The following NKAIN3 variants were observed in gnomAD, a reference collection of about 807,000 sequenced individuals.
NKAIN3 encodes the protein sodium/potassium-transporting ATPase subunit beta-1-interacting protein 3.
A neutral mutation model predicts 30.2 loss-of-function variants in NKAIN3; 25 were observed. The observed-to-expected ratio is 0.83, with a 90% CI of 0.60 to 1.16. The LOEUF (loss-of-function observed/expected upper bound fraction) is 1.16, where lower values mean the gene tolerates loss of function less well. Among genes scored for constraint, NKAIN3 ranks in the 50% most tolerant of loss-of-function variants. NKAIN3 has a pLI of 0.00. For missense variants in NKAIN3, 225 were observed against 254.1 expected, an observed-to-expected ratio of 0.89 and a Z score of 0.78; for synonymous variants, 91 against 89.6, an observed-to-expected ratio of 1.02 and a Z score of -0.09.
chr8:62,659,580 T>C (rs1812875905), intron 3 of NKAIN3, among the ~76,000 whole-genome samples: 1 of 152,208 alleles, frequency 6.6e-6, no homozygotes, highest in South Asian at 2.1e-4. Context: ...CATGGTCTGT[T>C]GCACTGGATG....
At chr8:62,819,149 A>ATG in intron 4 of NKAIN3, among the ~76,000 whole-genome samples, 1 of 100,360 alleles carries the variant, frequency 1.0e-5, no homozygotes, top group African/African-American at 3.4e-5. Context: ...ATATATATAT[A>ATG]TACATATATA....
intron 4 of NKAIN3, among the ~76,000 whole-genome samples, chr8:62,848,056 G>A (rs975958046): frequency 4.6e-5 from 7 of 152,132 alleles, no homozygotes; most frequent in Admixed American, 3.9e-4. Context: ...TCTTGTACTA[G>A]TACAATGCCA....
At chr8:62,326,259 CA>C (rs1179297883) in intron 1 of NKAIN3, among the ~76,000 whole-genome samples, 1 of 151,724 alleles carries the variant, frequency 6.6e-6, no homozygotes, top group African/African-American at 2.4e-5. Context: ...GGTCAGTCCT[CA>C]AAAAATGGTG....
chr8:62,295,394 T>G (rs1035731860), intron 1 of NKAIN3, among the ~76,000 whole-genome samples: 1 of 152,134 alleles, frequency 6.6e-6, no homozygotes, highest in African/African-American at 2.4e-5. Context: ...CCTAATGATA[T>G]CAGACTCAGC....
chr8:62,386,807 C>G (rs991454080), intron 1 of NKAIN3, among the ~76,000 whole-genome samples: 5 of 152,036 alleles, frequency 3.3e-5, no homozygotes, highest in Admixed American at 1.3e-4. Flanking sequence ...TTCTAAGTCT[C>G]AGTTCTCTGA....
intron 1 of NKAIN3, among the ~76,000 whole-genome samples, chr8:62,488,874 C>G (rs1268741847): frequency 6.6e-6 from 1 of 152,118 alleles, no homozygotes; most frequent in Admixed American, 6.6e-5. Flanking sequence ...TCAACTTTTG[C>G]TCTGCCACTT....
intron 3 of NKAIN3, among the ~76,000 whole-genome samples, chr8:62,599,653 A>G (rs1051235422): frequency 3.9e-5 from 6 of 152,086 alleles, no homozygotes; most frequent in African/African-American, 1.4e-4. Flanking sequence ...GAATTGTAGG[A>G]CTGAGTGACT....
rs1445690439 is a variant in NKAIN3, at chr8:62,975,990, G to T, written c.*10583G>T. On this transcript the variant is annotated 3_prime_UTR_variant, in exon 7 of 7. Coordinates refer to ENST00000623646, the MANE Select transcript of NKAIN3 (RefSeq NM_001304533.3). The stretch of plus-strand genomic sequence containing the variant: ...TGTTCAGTTTCCATGTAGTTGTGTG[G>T]TTTTGAGTGAGTTTCTTAATCCTGA... 1.3e-5 allele frequency among the ~76,000 whole-genome samples: 2 copies of T among 152,162 alleles called. No homozygotes were observed. The highest frequency in any genetic ancestry group is 4.8e-5 in the African/African-American group (2 of 41,440).
chr8:62,606,967 G>C (rs1288191219), intron 3 of NKAIN3, among the ~76,000 whole-genome samples: 2 of 152,054 alleles, frequency 1.3e-5, no homozygotes, highest in Non-Finnish European at 2.9e-5. Context: ...ATTAATTTTG[G>C]TTCAGTATAA....
At chr8:62,325,947 C>T (rs1815106246) in intron 1 of NKAIN3, among the ~76,000 whole-genome samples, 1 of 151,950 alleles carries the variant, frequency 6.6e-6, no homozygotes, top group East Asian at 1.9e-4. Context: ...CTTTCCCACT[C>T]TGTGGGTAGT....
chr8:62,530,914 G>A (rs1048693551), intron 1 of NKAIN3, among the ~76,000 whole-genome samples: 1 of 152,184 alleles, frequency 6.6e-6, no homozygotes, highest in African/African-American at 2.4e-5. Context: ...CAACGTGCTG[G>A]AATTATGGGC....
At chr8:62,461,306 TCAAA>T (rs752586139) in intron 1 of NKAIN3, among the ~76,000 whole-genome samples, 4 of 152,206 alleles carry the variant, frequency 2.6e-5, no homozygotes, top group Non-Finnish European at 5.9e-5. Context: ...AGAATAGTCA[TCAAA>T]CAAACACAAC....
At chr8:62,719,783 G>A in intron 3 of NKAIN3, among the ~76,000 whole-genome samples, 1 of 122,238 alleles carries the variant, frequency 8.2e-6, no homozygotes, top group African/African-American at 3.2e-5. Flanking sequence ...TTGAGACGGA[G>A]TCTTGCTCTG....
chr8:62,343,767 C>T (rs151054596), intron 1 of NKAIN3, among the ~76,000 whole-genome samples: 235 of 151,868 alleles, frequency 1.5e-3, no homozygotes, highest in African/African-American at 5.3e-3. Flanking sequence ...GCTCTGATTG[C>T]GCCACTGCAC....
At position 62,834,696 on chromosome 8, in the gene NKAIN3, T is replaced by C. The variant is rs372475809; in HGVS notation, c.472-83757T>C. Among the ~76,000 whole-genome samples, 4 of 152,046 alleles carry C rather than the reference T, an allele frequency of 2.6e-5. No homozygotes were observed. The South Asian group carries it at 8.3e-4, about 32-fold the overall frequency. On this transcript the variant is annotated intron_variant, in intron 4 of 6. Transcript: ENST00000623646. The stretch of plus-strand genomic sequence containing the variant: ...AGAAAACATAAGTGACACAAACAAA[T>C]GGAAAAACATTCCATGCTCATGGAT...
intron 4 of NKAIN3, among the ~76,000 whole-genome samples, chr8:62,807,451 C>CT (rs1433376316): frequency 6.6e-6 from 1 of 151,612 alleles, no homozygotes; most frequent in African/African-American, 2.4e-5. Context: ...TTGTTTCCTA[C>CT]TTTTTGTGGG....
At chr8:62,724,853 T>C (rs1815205782) in intron 3 of NKAIN3, among the ~76,000 whole-genome samples, 1 of 152,184 alleles carries the variant, frequency 6.6e-6, no homozygotes, top group Non-Finnish European at 1.5e-5. Context: ...AGTGCAGATA[T>C]CTCTTTGATA....
chr8:62,488,024 G>A (rs1806954870), intron 1 of NKAIN3, among the ~76,000 whole-genome samples: 1 of 152,194 alleles, frequency 6.6e-6, no homozygotes, highest in African/African-American at 2.4e-5. Context: ...CCATTTCATT[G>A]TTGGTAGTGT....
At chr8:62,803,378 A>G (rs1478177234) in intron 4 of NKAIN3, among the ~76,000 whole-genome samples, 1 of 152,228 alleles carries the variant, frequency 6.6e-6, no homozygotes, top group East Asian at 1.9e-4. Context: ...AGCTCTCCTC[A>G]GCAAATGTAA....
Sources: allele counts gnomAD v4.1 joint callset (sites outside exome capture counted in the v4.1 genomes callset), GRCh38; gene constraint gnomAD v4.1.1; transcripts MANE v1.5; gene names NCBI Gene and HGNC (gene_info 2026-07-23, HGNC 2026-07-21).